The following MYO9B variants were observed in gnomAD, a reference collection of about 807,000 sequenced individuals.
MYO9B encodes myosin IXB, also known as unconventional myosin-IXb.
MYO9B carries 71 observed loss-of-function variants against 229.5 expected under a neutral mutation model. The observed-to-expected ratio is 0.31, with a 90% CI of 0.26 to 0.38. The LOEUF (loss-of-function observed/expected upper bound fraction) is 0.38, where lower values mean the gene tolerates loss of function less well. MYO9B is among the 10% of genes least tolerant of loss of function. The pLI is 1.00. For missense variants in MYO9B, 2,255 were observed against 2,920.5 expected, an observed-to-expected ratio of 0.77 and a Z score of 5.25; for synonymous variants, 1,185 against 1,235.8, an observed-to-expected ratio of 0.96 and a Z score of 0.86.
chr19:17,135,299 C>T (rs115040518), intron 2 of MYO9B, among the ~76,000 whole-genome samples: 1,708 of 152,148 alleles, frequency 0.011, 35 homozygotes, highest in African/African-American at 0.037. Context: ...AAAGGAGAGG[C>T]GTTTTTTGGT....
intron 15 of MYO9B, among the ~76,000 whole-genome samples, chr19:17,182,890 C>G (rs1011194039): frequency 2.6e-5 from 4 of 152,088 alleles, no homozygotes; most frequent in African/African-American, 9.7e-5. Flanking sequence ...GGAGCTATCC[C>G]CTTCCTTACC....
chr19:17,180,596 C>CAGGTGAGAGA (rs2072848084), intron 14 of MYO9B: 1 of 169,806 alleles, frequency 5.9e-6, no homozygotes, highest in African/African-American at 2.4e-5. Flanking sequence ...GTGATCCACC[C>CAGGTGAGAGA]GCCTCGGCCT....
intron 2 of MYO9B, among the ~76,000 whole-genome samples, chr19:17,117,937 CAA>C (rs567862829): frequency 1.2e-4 from 11 of 91,378 alleles, no homozygotes; most frequent in Admixed American, 3.9e-4. Context: ...CACTCTTCCT[CAA>C]AAAAAAAAAA....
In MYO9B at chr19:17,172,813, CG is replaced by C; in HGVS notation, c.1994del (p.Gly665AlafsTer51). The C allele has an allele frequency of 6.2e-7, 1 of 1,612,992 alleles. No individual in the cohort carries two copies. On this transcript the variant is annotated frameshift_variant, in exon 13 of 40. Transcript: ENST00000682292. LOFTEE classifies it high-confidence loss of function. This position sits in a 1 kb window ranked among gnomAD's most constrained non-coding sequence, Gnocchi z 8.2. Reference sequence around the variant, plus strand: ...GCGGCCAGACATCGTGGCCCTGCTGCGGGGCAGTGACAGCTCCTACGTGCGG... The same window carrying C: ...GCGGCCAGACATCGTGGCCCTGCTGCGGGCAGTGACAGCTCCTACGTGCGG... ...YMRPDIVALL[R>X]GSDSSYVREL...
intron 2 of MYO9B, among the ~76,000 whole-genome samples, chr19:17,111,223 ACCTGACATG>A (rs931731924): frequency 6.6e-6 from 1 of 151,998 alleles, no homozygotes. Flanking sequence ...GACCACCCCC[ACCTGACATG>A]TGAGGAAACT....
intron 2 of MYO9B, among the ~76,000 whole-genome samples, chr19:17,144,988 A>G (rs902850612): frequency 1.3e-4 from 19 of 144,822 alleles, no homozygotes; most frequent in South Asian, 4.5e-4. Context: ...AAAAAAAAAA[A>G]AAAGAAAAAG....
chr19:17,121,682 C>G (rs1467075941), intron 2 of MYO9B, among the ~76,000 whole-genome samples: 1 of 152,144 alleles, frequency 6.6e-6, no homozygotes, highest in African/African-American at 2.4e-5. Context: ...CAAATGTTCA[C>G]TTTTGCCGCA....
intron 14 of MYO9B, among the ~76,000 whole-genome samples, chr19:17,180,347 T>C (rs1410467085): frequency 7.5e-5 from 9 of 120,396 alleles, no homozygotes; most frequent in South Asian, 6.1e-4. Flanking sequence ...AATAATTTTT[T>C]TTTTTTTTTT....
chr19:17,087,034 AGT>A (rs1048984330), intron 1 of MYO9B, among the ~76,000 whole-genome samples: 11 of 152,086 alleles, frequency 7.2e-5, no homozygotes, highest in African/African-American at 2.7e-4. Flanking sequence ...CTTTGTGGTG[AGT>A]GTGTTATCCG....
At chr19:17,169,789 A>G (rs115052238) in intron 11 of MYO9B, among the ~76,000 whole-genome samples, 4,384 of 122,796 alleles carry the variant, frequency 0.036, 257 homozygotes, top group African/African-American at 0.13. Flanking sequence ...ATTCATCTCA[A>G]TCCTGTCTCC....
chr19:17,142,826 G>A (rs2072358560), intron 2 of MYO9B, among the ~76,000 whole-genome samples: 1 of 152,074 alleles, frequency 6.6e-6, no homozygotes, highest in Non-Finnish European at 1.5e-5. Flanking sequence ...GCTCGCAGGC[G>A]ATTAAAAAAA....
intron 14 of MYO9B, among the ~76,000 whole-genome samples, chr19:17,177,225 T>C (rs574522066): frequency 3.3e-5 from 5 of 151,692 alleles, no homozygotes; most frequent in African/African-American, 1.2e-4. Flanking sequence ...GGAATCACCT[T>C]TTTCACCCAA....
At chr19:17,165,232 A>G (rs1352274749) in intron 10 of MYO9B, among the ~76,000 whole-genome samples, 1 of 151,996 alleles carries the variant, frequency 6.6e-6, no homozygotes, top group Non-Finnish European at 1.5e-5. Context: ...ACAGAGGCAC[A>G]TATCTGTAGT....
intron 2 of MYO9B, among the ~76,000 whole-genome samples, chr19:17,137,054 AC>A (rs1292785938): frequency 3.7e-4 from 56 of 152,034 alleles, no homozygotes; most frequent in African/African-American, 1.2e-3. Context: ...ACATGGAGAA[AC>A]CCCGTCTCTA....
In MYO9B at chr19:17,193,499, C is replaced by T. The variant is rs536141308; in HGVS notation, c.3128+437C>T. On this transcript the variant is annotated intron_variant, in intron 21 of 39. Transcript: ENST00000682292. The surrounding 1 kb of genome is among the most constrained non-coding windows in gnomAD (Gnocchi z 4.3). Reference sequence around the variant, plus strand: ...CCAGCCCCTCCCCGACCTAGGCACCCTGTTCACCTCTCCCCTGCCCACACA... The same window carrying T: ...CCAGCCCCTCCCCGACCTAGGCACCTTGTTCACCTCTCCCCTGCCCACACA... Among the ~76,000 whole-genome samples, 13 of 152,256 alleles carry T rather than the reference C, an allele frequency of 8.5e-5. No individual in the cohort carries two copies. Among genetic ancestry groups the T allele is most frequent in the African/African-American group, 3.1e-4 (13 of 41,564 alleles).
At chr19:17,147,052 T>C (rs2072419545) in intron 3 of MYO9B, among the ~76,000 whole-genome samples, 1 of 152,192 alleles carries the variant, frequency 6.6e-6, no homozygotes, top group Admixed American at 6.5e-5. Flanking sequence ...CCTTGACAAA[T>C]GTCAGGGGCT....
intron 19 of MYO9B, among the ~76,000 whole-genome samples, chr19:17,188,918 C>T (rs1264961344): frequency 6.7e-6 from 1 of 150,122 alleles, no homozygotes; most frequent in East Asian, 2.0e-4. Context: ...GAGGCCAAGG[C>T]AGGTGGATCA....
chr19:17,166,053 T>C (rs1463720505), intron 10 of MYO9B, among the ~76,000 whole-genome samples: 1 of 152,246 alleles, frequency 6.6e-6, no homozygotes, highest in Admixed American at 6.5e-5. Context: ...TGATTTTTTT[T>C]TTTTCTTGAG....
Position 17,192,936 on chromosome 19 carries a change from G to A in MYO9B, c.3002G>A (p.Arg1001Lys). The A allele has an allele frequency of 6.5e-7, 1 of 1,545,898 alleles. No individual in the cohort carries two copies. Among genetic ancestry groups the A allele is most frequent in the Non-Finnish European group, 8.7e-7 (1 of 1,144,114 alleles). The part of the protein sequence containing the change: ...RSYRVRRALE[R>K]TQAAVYLQAS... ...TACCGGGTCCGGAGGGCGCTGGAGA[G>A]GACGCAGGCTGCCGTGTACCTCCAG... The change falls in exon 21 of 40, where the codon AGG (arginine) becomes AAG (lysine). Residue 1001 changes from arginine (R) to lysine (K), a missense_variant. This residue lies in a region of MYO9B where 679 missense variants were observed against 770.2 expected (regional missense o/e 0.88). Coordinates refer to ENST00000682292, the MANE Select transcript of MYO9B (RefSeq NM_004145.4).
Sources: gnomAD v4.1 joint callset for allele counts (sites outside exome capture counted in the v4.1 genomes callset) on GRCh38, gnomAD v4.1.1 for gene constraint, gnomAD v4.1.1 regional missense constraint, Gnocchi (gnomAD v3.1) non-coding constraint, MANE v1.5 for transcripts, NCBI Gene and HGNC (gene_info 2026-07-23, HGNC 2026-07-21) for gene names.